The following TANK variants were observed in gnomAD, a reference collection of about 807,000 sequenced individuals.
TANK encodes TRAF family member associated NFKB activator, also known as TRAF family member-associated NF-kappa-B activator.
A neutral mutation model predicts 43.6 loss-of-function variants in TANK; 15 were observed. That is an observed-to-expected ratio of 0.34 (90% CI 0.23 to 0.53). The LOEUF is 0.53. Ranked by LOEUF, TANK falls within the 20% of genes least tolerant of loss-of-function variation. TANK has a pLI of 0.94. For missense variants in TANK, 417 were observed against 498.6 expected (o/e 0.84, Z 1.56); for synonymous variants, 162 against 178.2 (o/e 0.91, Z 0.73).
intron 2 of TANK, among the ~76,000 whole-genome samples, chr2:161,181,846 C>T (rs1452041943): frequency 6.6e-6 from 1 of 152,024 alleles, no homozygotes; most frequent in African/African-American, 2.4e-5. Flanking sequence ...AAGATAACAG[C>T]CTCAGGCCTG....
intron 4 of TANK, among the ~76,000 whole-genome samples, chr2:161,209,786 T>C (rs1574040851): frequency 6.6e-6 from 1 of 152,324 alleles, no homozygotes; most frequent in South Asian, 2.1e-4. Context: ...ATTCATGATG[T>C]ATACTTAACA....
intron 2 of TANK, among the ~76,000 whole-genome samples, chr2:161,186,930 A>T (rs1176639409): frequency 6.6e-6 from 1 of 152,214 alleles, no homozygotes; most frequent in African/African-American, 2.4e-5. Context: ...TTACCATACT[A>T]ATCATTAGGA....
intron 4 of TANK, chr2:161,207,787 A>G (rs943970062): frequency 1.0e-6 from 1 of 985,292 alleles, no homozygotes; most frequent in Admixed American, 6.1e-5. Flanking sequence ...TTCTTCCACA[A>G]TGAAAAAAAT....
chr2:161,214,533 T>G (rs1049669402), intron 4 of TANK, among the ~76,000 whole-genome samples: 1 of 150,604 alleles, frequency 6.6e-6, no homozygotes, highest in African/African-American at 2.4e-5. Context: ...TTTAACTGAG[T>G]GTGTGACATT....
At chr2:161,222,853 GTATT>G (rs978032637) in intron 4 of TANK, 6 of 151,844 alleles carry the variant, frequency 4.0e-5, no homozygotes, top group African/African-American at 1.2e-4. Flanking sequence ...TATATTTAAA[GTATT>G]TATTTAGAAA....
intron 1 of TANK, among the ~76,000 whole-genome samples, chr2:161,151,056 G>A (rs1057111938): frequency 6.6e-6 from 1 of 152,172 alleles, no homozygotes; most frequent in African/African-American, 2.4e-5. Flanking sequence ...TTAAGAATGT[G>A]TTGCTTAATT....
intron 4 of TANK, among the ~76,000 whole-genome samples, chr2:161,205,236 G>A (rs1194314930): frequency 2.0e-5 from 3 of 151,998 alleles, no homozygotes; most frequent in Admixed American, 6.6e-5. Flanking sequence ...GGATTGTTTG[G>A]GCCTAAGAAG....
chr2:161,167,512 G>A (rs1684736918), intron 1 of TANK, among the ~76,000 whole-genome samples: 1 of 152,114 alleles, frequency 6.6e-6, no homozygotes, highest in African/African-American at 2.4e-5. Flanking sequence ...ATTAATATGG[G>A]GAATTTATTT....
At chr2:161,162,303 T>TTATCTTTGAGATAAAATTTAACATA (rs1684479936) in intron 1 of TANK, among the ~76,000 whole-genome samples, 1 of 152,132 alleles carries the variant, frequency 6.6e-6, no homozygotes. Context: ...TATAATTGCA[T>TTATCTTTGAGATAAAATTTAACATA]TATCTTTGAG....
rs536694298 is a variant in TANK at position 161,166,534 on chromosome 2, G to A, written c.-50+6048G>A. Among the ~76,000 whole-genome samples, 5 of 152,336 alleles carry A rather than the reference G, an allele frequency of 3.3e-5. No homozygotes were observed. The East Asian group carries it at 7.7e-4, about 23-fold the overall frequency. ...CCAAAAGAGAAGATGTCTTATTTATGTGTATATGTCGTGTTGTTGACTGAT... is the reference window on the plus strand; with the variant it reads ...CCAAAAGAGAAGATGTCTTATTTATATGTATATGTCGTGTTGTTGACTGAT... On this transcript the variant is annotated intron_variant, in intron 1 of 7. Transcript: ENST00000392749.
intron 4 of TANK, among the ~76,000 whole-genome samples, chr2:161,210,921 G>A (rs1307520721): frequency 7.2e-5 from 11 of 152,058 alleles, no homozygotes. Context: ...GACTTTGATG[G>A]AAAAAGGATA....
At chr2:161,216,085 AGT>A (rs978245382) in intron 4 of TANK, among the ~76,000 whole-genome samples, 28 of 152,140 alleles carry the variant, frequency 1.8e-4, no homozygotes, top group Admixed American at 4.6e-4. Flanking sequence ...TGTCAATAGT[AGT>A]GTGATTTTTG....
Position 161,160,840 on chromosome 2 carries a change from C to G in TANK, c.-50+354C>G, listed in dbSNP as rs995402129. 3 of 524,700 alleles carry G rather than the reference C, an allele frequency of 5.7e-6. No homozygotes were observed. The Admixed American group carries it at 7.0e-5, about 12-fold the overall frequency. 32.5% of individuals were successfully genotyped at this position (524,700 alleles called of 1,614,324 possible). On this transcript the variant is annotated intron_variant, in intron 1 of 7. Coordinates refer to ENST00000392749, the MANE Select transcript of TANK (RefSeq NM_001199135.3). Reference sequence around the variant, plus strand: ...GTGTCGAGGTGAGCAGTGGACCCTCCAGGAACATTCCCGACTTCCCTTCGG... The same window carrying G: ...GTGTCGAGGTGAGCAGTGGACCCTCGAGGAACATTCCCGACTTCCCTTCGG...
intron 4 of TANK, among the ~76,000 whole-genome samples, chr2:161,220,095 T>A (rs958949818): frequency 1.3e-5 from 2 of 152,218 alleles, no homozygotes; most frequent in African/African-American, 4.8e-5. Flanking sequence ...CTCAGTTGCC[T>A]AAGCTAGCTA....
intron 6 of TANK, among the ~76,000 whole-genome samples, chr2:161,229,676 G>A (rs1252697685): frequency 1.3e-5 from 2 of 152,174 alleles, no homozygotes; most frequent in Non-Finnish European, 2.9e-5. Flanking sequence ...AGACTGCCAA[G>A]ACCAAAGGAA....
chr2:161,138,923 A>T (rs1463790561), intron 1 of TANK, among the ~76,000 whole-genome samples: 2 of 152,182 alleles, frequency 1.3e-5, no homozygotes, highest in Admixed American at 6.5e-5. Flanking sequence ...GTAGACATAG[A>T]AGTTCTTTAT....
intron 1 of TANK, among the ~76,000 whole-genome samples, chr2:161,138,874 A>T (rs1683662504): frequency 6.6e-6 from 1 of 152,228 alleles, no homozygotes; most frequent in South Asian, 2.1e-4. Flanking sequence ...TTCCTGCCTG[A>T]ATATTCTATT....
At chr2:161,174,102 G>A (rs1685074662) in intron 1 of TANK, among the ~76,000 whole-genome samples, 1 of 152,150 alleles carries the variant, frequency 6.6e-6, no homozygotes, top group African/African-American at 2.4e-5. Context: ...TGGTCTCACT[G>A]AAGTTTTACT....
intron 4 of TANK, among the ~76,000 whole-genome samples, chr2:161,220,019 C>T (rs1249920171): frequency 9.9e-5 from 15 of 152,164 alleles, no homozygotes; most frequent in Admixed American, 9.8e-4. Context: ...TAAGGATTCT[C>T]GTTTCTGTTT....
Sources: gnomAD v4.1 joint callset for allele counts (sites outside exome capture counted in the v4.1 genomes callset) on GRCh38, gnomAD v4.1.1 for gene constraint, MANE v1.5 for transcripts, NCBI Gene and HGNC (gene_info 2026-07-23, HGNC 2026-07-21) for gene names.